TBC1D4: variants seen among roughly 807,000 people sequenced by gnomAD.
TBC1D4 encodes the protein TBC (Tre-2, BUB2, CDC16) domain-containing protein.
In TBC1D4, 121 loss-of-function variants were observed where a neutral mutation model predicts 142.5. The ratio of observed to expected loss-of-function variants is 0.85; its 90% CI spans 0.73 to 0.99. The LOEUF is 0.99. Among genes scored for constraint, TBC1D4 ranks in the 50% least tolerant of loss-of-function variants. The pLI is 0.00. For synonymous variants in TBC1D4, 630 were observed against 628.2 expected, an observed-to-expected ratio of 1.00 and a Z score of -0.04; for missense variants, 1,475 against 1,606.6, an observed-to-expected ratio of 0.92 and a Z score of 1.40.
At position 75,481,466 on chromosome 13, in the gene TBC1D4, G is replaced by A. The variant is rs77685055; in HGVS notation, c.302C>T (p.Ala101Val). 150,538 of 1,613,366 alleles carry A rather than the reference G, an allele frequency of 0.093. 8,417 individuals carry two copies. The highest frequency in any genetic ancestry group is 0.26 in the East Asian group (11,589 of 44,792). ...LRCVPAPGAG[A>V]SGGTSPSATQ... is the part of the protein sequence containing the mutation. ...GGCCGACGGACTAGTGCCCCCCGAG[G>A]CCCCAGCGCCCGGCGCGGGGACGCA... is the stretch of plus-strand genomic sequence containing the variant. Residue 101 changes from alanine to valine, a missense_variant, in exon 1 of 21, where the codon GCC becomes GTC. Physicochemically the swap from Ala to Val is moderately conservative, Grantham distance 64. This residue lies in a region of TBC1D4 where 1,227 missense variants were observed against 1,267.7 expected (regional missense o/e 0.97). Coordinates refer to ENST00000377636, the MANE Select transcript of TBC1D4 (RefSeq NM_014832.5).
intron 15 of TBC1D4, among the ~76,000 whole-genome samples, chr13:75,303,253 G>C (rs1778746387): frequency 1.3e-5 from 2 of 152,022 alleles, no homozygotes; most frequent in African/African-American, 4.8e-5. Context: ...GGGGACACAG[G>C]TTGCAGTGAG....
chr13:75,309,090 G>C (rs188061911), intron 14 of TBC1D4, among the ~76,000 whole-genome samples: 1 of 152,240 alleles, frequency 6.6e-6, no homozygotes, highest in African/African-American at 2.4e-5. Context: ...AATCTTAAAA[G>C]TCAAACGGAC....
chr13:75,366,287 C>T (rs1882903199), intron 1 of TBC1D4, among the ~76,000 whole-genome samples: 1 of 152,150 alleles, frequency 6.6e-6, no homozygotes, highest in Admixed American at 6.5e-5. Flanking sequence ...TGCTCAAGAC[C>T]TCTGGGAATA....
At chr13:75,351,008 T>C (rs1319566901) in intron 4 of TBC1D4, among the ~76,000 whole-genome samples, 1 of 152,200 alleles carries the variant, frequency 6.6e-6, no homozygotes, top group Admixed American at 6.5e-5. Flanking sequence ...TTAGTCTAGA[T>C]ACAACTGCAA....
At chr13:75,479,095 G>A (rs769102854) in intron 1 of TBC1D4, among the ~76,000 whole-genome samples, 7 of 152,292 alleles carry the variant, frequency 4.6e-5, no homozygotes, top group Non-Finnish European at 1.0e-4. Context: ...GAGCTAAGTA[G>A]CACCTTGAGA....
intron 12 of TBC1D4, among the ~76,000 whole-genome samples, chr13:75,315,568 T>G (rs1878253443): frequency 6.6e-6 from 1 of 152,060 alleles, no homozygotes; most frequent in Non-Finnish European, 1.5e-5. Flanking sequence ...ATCTTCATTT[T>G]TGTAACACGA....
intron 1 of TBC1D4, among the ~76,000 whole-genome samples, chr13:75,398,731 A>G (rs879467401): frequency 7.9e-5 from 12 of 152,186 alleles, no homozygotes; most frequent in Admixed American, 2.0e-4. Flanking sequence ...TTTACAGTAT[A>G]AAGTAGCCTC....
Position 75,310,060 on chromosome 13 carries a change from A to G in TBC1D4, c.2475T>C (p.Asp825=). The G allele has an allele frequency of 6.2e-7, 1 of 1,614,054 alleles. No individual in the cohort carries two copies. Among genetic ancestry groups the G allele is most frequent in the South Asian group, 1.1e-5 (1 of 91,074 alleles). Residue 825 remains aspartate (D), a synonymous_variant, in exon 14 of 21, where the codon GAT becomes GAC. Coordinates refer to ENST00000377636, the MANE Select transcript of TBC1D4 (RefSeq NM_014832.5). ...TTCTTTCTTCAATCTTTTCTGGGTC[A>G]TCCTCCCCAGACAGGAATACAACCA... ...EPLVVFLSGE[D]DPEKIEERKK... is the part of the protein sequence containing the mutation.
chr13:75,306,214 A>C, intron 15 of TBC1D4, 99 bp downstream of exon 15: 1 of 1,157,910 alleles, frequency 8.6e-7, no homozygotes, highest in Non-Finnish European at 1.2e-6. Flanking sequence ...CAAGGACAAA[A>C]TTACTAAGCA....
chr13:75,339,326 A>C (rs1304036763), intron 7 of TBC1D4, among the ~76,000 whole-genome samples: 5 of 152,058 alleles, frequency 3.3e-5, no homozygotes, highest in Admixed American at 3.3e-4. Context: ...CCTCCCCCAT[A>C]AATAAATCTA....
intron 1 of TBC1D4, among the ~76,000 whole-genome samples, chr13:75,439,255 TAA>T (rs1886931420): frequency 6.6e-6 from 1 of 152,182 alleles, no homozygotes; most frequent in Non-Finnish European, 1.5e-5. Flanking sequence ...ACTTCATGTA[TAA>T]AGTTTTTTAT....
chr13:75,354,693 T>C (rs1013114121), intron 4 of TBC1D4, among the ~76,000 whole-genome samples: 1 of 150,978 alleles, frequency 6.6e-6, no homozygotes, highest in African/African-American at 2.4e-5. Flanking sequence ...GTGTAGGGGA[T>C]GGGTGGGGAG....
chr13:75,407,294 C>A (rs1566467301), intron 1 of TBC1D4, among the ~76,000 whole-genome samples: 1 of 152,196 alleles, frequency 6.6e-6, no homozygotes, highest in Non-Finnish European at 1.5e-5. Context: ...ACCAAGAGTT[C>A]TTTCAAGGAC....
chr13:75,414,559 G>A (rs940825918), intron 1 of TBC1D4, among the ~76,000 whole-genome samples: 35 of 152,100 alleles, frequency 2.3e-4, no homozygotes, highest in African/African-American at 8.0e-4. Flanking sequence ...GGATGTTGGT[G>A]TTTGTGTGTG....
intron 1 of TBC1D4, among the ~76,000 whole-genome samples, chr13:75,433,434 AT>A (rs1218303163): frequency 1.3e-5 from 2 of 152,214 alleles, no homozygotes; most frequent in African/African-American, 4.8e-5. Flanking sequence ...ACAAGAGAGC[AT>A]AAGCCATAAA....
intron 1 of TBC1D4, among the ~76,000 whole-genome samples, chr13:75,409,510 T>A (rs928045963): frequency 6.6e-6 from 1 of 152,156 alleles, no homozygotes; most frequent in Non-Finnish European, 1.5e-5. Flanking sequence ...ACATTAAAGG[T>A]TCCCCCCCTC....
intron 5 of TBC1D4, among the ~76,000 whole-genome samples, chr13:75,348,939 TAG>T (rs755430210): frequency 1.9e-3 from 250 of 131,188 alleles, no homozygotes; most frequent in African/African-American, 6.5e-3. Flanking sequence ...GGAGAGAGAG[TAG>T]AGAGAGAGAG....
chr13:75,467,098 G>A (rs367883520), intron 1 of TBC1D4, among the ~76,000 whole-genome samples: 2 of 152,090 alleles, frequency 1.3e-5, no homozygotes, highest in African/African-American at 2.4e-5. Context: ...CTAAGTAAAC[G>A]GGGTAATATA....
At chr13:75,322,803 T>A (rs1012265860) in intron 11 of TBC1D4, among the ~76,000 whole-genome samples, 2 of 152,200 alleles carry the variant, frequency 1.3e-5, no homozygotes, top group Admixed American at 6.5e-5. Flanking sequence ...TATTCTTGGT[T>A]CTCTAAATTA....
Sources: allele counts gnomAD v4.1 joint callset (sites outside exome capture counted in the v4.1 genomes callset), GRCh38; gene constraint gnomAD v4.1.1; regional missense constraint gnomAD v4.1.1; transcripts MANE v1.5; gene names NCBI Gene and HGNC (gene_info 2026-07-23, HGNC 2026-07-21).